Variants in NRL observed in about 807,000 individuals in gnomAD.
NRL encodes neural retina leucine zipper, also known as neural retina-specific leucine zipper protein.
In NRL, 16 loss-of-function variants were observed where a neutral mutation model predicts 12.5. That is an observed-to-expected ratio of 1.28 (90% CI 0.87 to 1.95). NRL has a LOEUF of 1.95. Among genes scored for constraint, NRL ranks in the 30% most tolerant of loss-of-function variants. The pLI is 0.00. For missense variants in NRL, 314 were observed against 325.8 expected (o/e 0.96, Z 0.28); for synonymous variants, 142 against 150.9 (o/e 0.94, Z 0.43).
intron 1 of NRL, among the ~76,000 whole-genome samples, chr14:24,092,146 T>C (rs769947324): frequency 3.9e-5 from 6 of 152,208 alleles, no homozygotes; most frequent in Non-Finnish European, 8.8e-5. Context: ...ATTATTCTTC[T>C]CTCTTAACTT....
chr14:24,093,914 G>A (rs1284323473), intron 1 of NRL: 2 of 433,652 alleles, frequency 4.6e-6, no homozygotes, highest in African/African-American at 4.1e-5. Context: ...AACTGGAAAG[G>A]CAATGCCCAA....
chr14:24,092,366 T>G (rs2036657762), intron 1 of NRL, among the ~76,000 whole-genome samples: 1 of 152,240 alleles, frequency 6.6e-6, no homozygotes, highest in South Asian at 2.1e-4. Context: ...GGCATCTGAT[T>G]AGCTATGCAG....
intron 1 of NRL, among the ~76,000 whole-genome samples, chr14:24,104,697 T>C (rs1002989941): frequency 1.3e-5 from 2 of 150,780 alleles, no homozygotes; most frequent in Admixed American, 6.6e-5. Flanking sequence ...CTCAGCAAGC[T>C]GCTCAGTACA....
intron 1 of NRL, 108 bp downstream of exon 1, chr14:24,114,614 T>A (rs1291213045): frequency 6.4e-6 from 6 of 935,646 alleles, no homozygotes; most frequent in Non-Finnish European, 7.7e-6. Context: ...TGTCTCTGAT[T>A]CAGGAAGCTG....
chr14:24,082,350 C>A, intron 2 of NRL, 118 bp downstream of exon 2: 1 of 1,296,878 alleles, frequency 7.7e-7, no homozygotes, highest in Non-Finnish European at 1.1e-6. Flanking sequence ...TTCTCCCCTT[C>A]TCCTGCCCTC....
intron 1 of NRL, chr14:24,100,193 T>C (rs1271724041): frequency 1.2e-6 from 2 of 1,614,076 alleles, no homozygotes; most frequent in Non-Finnish European, 1.7e-6. Context: ...ACCTCCTGGC[T>C]GGGCAAACCC....
chr14:24,099,887 G>C lies in NRL; in HGVS notation c.-28+14835C>G. ...CCCGAGAGACAGCCTTTCCTCATCA[G>C]ATCTTGGGTCCATCTCAGGACAGGG... On this transcript the variant is annotated intron_variant, in intron 1 of 2. Transcript: ENST00000561028. 5 of 1,598,738 alleles carry C rather than the reference G, an allele frequency of 3.1e-6. No homozygotes were observed. The East Asian group carries it at 1.1e-4, about 36-fold the overall frequency.
rs1054475116 is a variant in NRL at position 24,105,316 on chromosome 14, T to G, written c.-28+9406A>C. Among the ~76,000 whole-genome samples the G allele has an allele frequency of 5.3e-5, 8 of 152,304 alleles. No homozygotes were observed. The East Asian group carries it at 1.4e-3, about 26-fold the overall frequency. On this transcript the variant is annotated intron_variant, in intron 1 of 2. Transcript: ENST00000561028. Reference sequence around the variant, plus strand: ...TTCCGGTGAACCCACAACCTTCCAGTGTGGGTGTCATGGCCATCACAAACA... The same window carrying G: ...TTCCGGTGAACCCACAACCTTCCAGGGTGGGTGTCATGGCCATCACAAACA...
At chr14:24,099,817 T>G in intron 1 of NRL, 1 of 1,510,556 alleles carries the variant, frequency 6.6e-7, no homozygotes, top group Non-Finnish European at 9.2e-7. Context: ...GTGAGAAAGT[T>G]TCCTGAACAC....
intron 1 of NRL, chr14:24,098,323 C>T (rs753144679): frequency 1.2e-6 from 2 of 1,614,012 alleles, no homozygotes; most frequent in Non-Finnish European, 1.7e-6. Flanking sequence ...GGCAGCTGGG[C>T]AACTGGATGT....
At chr14:24,086,408 G>A (rs1391999207) in intron 1 of NRL, among the ~76,000 whole-genome samples, 2 of 152,182 alleles carry the variant, frequency 1.3e-5, no homozygotes, top group Non-Finnish European at 2.9e-5. Context: ...CTGGGTTTCT[G>A]TTTTAAGGAG....
intron 1 of NRL, among the ~76,000 whole-genome samples, chr14:24,109,791 T>G (rs1445702265): frequency 2.0e-5 from 3 of 152,120 alleles, no homozygotes; most frequent in Non-Finnish European, 4.4e-5. Flanking sequence ...TGTGAAGGAC[T>G]CAATTTTGTC....
intron 1 of NRL, among the ~76,000 whole-genome samples, chr14:24,083,913 C>T (rs1337645798): frequency 6.6e-6 from 1 of 152,200 alleles, no homozygotes; most frequent in East Asian, 1.9e-4. Context: ...AATCATGGGG[C>T]ACATGTTCAC....
chr14:24,092,605 G>A (rs930311231), intron 1 of NRL, among the ~76,000 whole-genome samples: 18 of 152,284 alleles, frequency 1.2e-4, no homozygotes, highest in Admixed American at 1.0e-3. Flanking sequence ...GAACTGGGGG[G>A]AAAGAGATCC....
At chr14:24,103,616 G>A (rs1232111972) in intron 1 of NRL, 5 of 1,613,448 alleles carry the variant, frequency 3.1e-6, no homozygotes, top group Non-Finnish European at 4.2e-6. Context: ...AGGGGGCCCA[G>A]CTGCCCCGTA....
chr14:24,080,872 A>G lies in NRL; in HGVS notation c.*364T>C, dbSNP rs1010669614. 1.4e-5 allele frequency: 3 copies of G among 218,116 alleles called. No homozygotes were observed. The East Asian group carries it at 2.9e-4, about 21-fold the overall frequency. The allele number at this position is 218,116 out of a possible 1,614,324, so 13.5% of individuals were successfully genotyped here. ...TACAGCTTTAATGTGTTACAGGTTG[A>G]AAACCCTGAATTAAAAACTAAACTG... is the stretch of plus-strand genomic sequence containing the variant. On this transcript the variant is annotated 3_prime_UTR_variant, in exon 3 of 3. Coordinates refer to ENST00000561028, the MANE Select transcript of NRL (RefSeq NM_001354768.3).
intron 1 of NRL, chr14:24,097,180 G>A: frequency 6.3e-7 from 1 of 1,595,582 alleles, no homozygotes. Context: ...GTGCACTGAG[G>A]CCACTTTGGG....
At chr14:24,092,453 T>A (rs941595454) in intron 1 of NRL, among the ~76,000 whole-genome samples, 1 of 152,192 alleles carries the variant, frequency 6.6e-6, no homozygotes, top group African/African-American at 2.4e-5. Context: ...TAGGAAACCA[T>A]GAGAGCAGGT....
At position 24,080,837 on chromosome 14, in the gene NRL, C is replaced by A. The variant is rs1224334526; in HGVS notation, c.*399G>T. On this transcript the variant is annotated 3_prime_UTR_variant, in exon 3 of 3. Coordinates refer to ENST00000561028, the MANE Select transcript of NRL (RefSeq NM_001354768.3). Reference sequence around the variant, plus strand: ...AAGCTTCAGAATGAAAATACAGCCTCATTGCTAATTACAGCTTTAATGTGT... The same window carrying A: ...AAGCTTCAGAATGAAAATACAGCCTAATTGCTAATTACAGCTTTAATGTGT... 1 of 176,586 alleles carries A rather than the reference C, an allele frequency of 5.7e-6. No homozygotes were observed. Among genetic ancestry groups the A allele is most frequent in the East Asian group, 1.5e-4 (1 of 6,668 alleles). The allele number at this position is 176,586 out of a possible 1,614,324, so 10.9% of individuals were successfully genotyped here.
Sources: allele counts gnomAD v4.1 joint callset (sites outside exome capture counted in the v4.1 genomes callset), GRCh38; gene constraint gnomAD v4.1.1; transcripts MANE v1.5; gene names NCBI Gene and HGNC (gene_info 2026-07-23, HGNC 2026-07-21).